Variants in CLYBL observed in about 807,000 individuals in gnomAD.
CLYBL encodes citramalyl-CoA lyase, mitochondrial.
CLYBL carries 31 observed loss-of-function variants against 38.9 expected under a neutral mutation model. The observed-to-expected ratio is 0.80, with a 90% confidence interval of 0.60 to 1.08. CLYBL has a LOEUF of 1.08. Ranked by LOEUF, CLYBL falls within the 50% of genes least tolerant of loss-of-function variation. The pLI is 0.00. For synonymous variants in CLYBL, 171 were observed against 158.6 expected (o/e 1.08, Z -0.59); for missense variants, 434 against 411.6 (o/e 1.05, Z -0.47).
intron 2 of CLYBL, among the ~76,000 whole-genome samples, chr13:99,851,776 C>T (rs759497544): frequency 4.6e-5 from 7 of 152,254 alleles, no homozygotes; most frequent in South Asian, 2.1e-4. Flanking sequence ...TGGAAAACAG[C>T]GGACAGTTTC....
intron 1 of CLYBL, among the ~76,000 whole-genome samples, chr13:99,752,943 C>A (rs541527829): frequency 1.3e-5 from 2 of 152,180 alleles, no homozygotes; most frequent in African/African-American, 4.8e-5. Flanking sequence ...GCCAATAATT[C>A]ATTTCAAAAG....
intron 2 of CLYBL, among the ~76,000 whole-genome samples, chr13:99,806,351 T>C (rs1038738337): frequency 2.0e-5 from 3 of 152,238 alleles, no homozygotes. Flanking sequence ...GTATACTTAA[T>C]TGTTGCCTTA....
intron 1 of CLYBL, among the ~76,000 whole-genome samples, chr13:99,762,424 T>C (rs1239930373): frequency 6.6e-6 from 1 of 152,244 alleles, no homozygotes; most frequent in Non-Finnish European, 1.5e-5. Context: ...GAGACAGTTC[T>C]TTCCTCACTG....
chr13:99,657,140 G>A (rs777865640), intron 1 of CLYBL, among the ~76,000 whole-genome samples: 7 of 152,314 alleles, frequency 4.6e-5, no homozygotes, highest in East Asian at 1.9e-4. Flanking sequence ...ACAGTGCTCC[G>A]AGCCCCACTG....
intron 1 of CLYBL, among the ~76,000 whole-genome samples, chr13:99,664,640 G>A (rs2047454431): frequency 6.6e-6 from 1 of 152,182 alleles, no homozygotes; most frequent in African/African-American, 2.4e-5. Context: ...AACAATAAAT[G>A]CACACATTCA....
intron 1 of CLYBL, among the ~76,000 whole-genome samples, chr13:99,634,863 G>A (rs1293129805): frequency 6.6e-6 from 1 of 152,186 alleles, no homozygotes; most frequent in Non-Finnish European, 1.5e-5. Flanking sequence ...GGCTGTGAAG[G>A]AGGTATCAGA....
chr13:99,695,162 C>T lies in CLYBL; in HGVS notation c.63-77662C>T, dbSNP rs530009194. On this transcript the variant is annotated intron_variant, in intron 1 of 8. Coordinates refer to ENST00000339105, the MANE Select transcript of CLYBL (RefSeq NM_206808.5). ...AGTTCCTGCTACCGTTTCAAAGAAG[C>T]TTCCCAAGAAGCTCTTCAGAGCTGG... 2.0e-3 allele frequency among the ~76,000 whole-genome samples: 303 copies of T among 152,228 alleles called. 1 individual carries two copies. Among genetic ancestry groups the T allele is most frequent in the African/African-American group, 7.1e-3 (293 of 41,534 alleles).
chr13:99,713,334 C>CTTTTTTTTTTTTTTTTTTTTT (rs759844768), intron 1 of CLYBL, among the ~76,000 whole-genome samples: 2 of 101,680 alleles, frequency 2.0e-5, no homozygotes, highest in African/African-American at 3.9e-5. Context: ...TTCTCTATTT[C>CTTTTTTTTTTTTTTTTTTTTT]TTTTTTTTTT....
chr13:99,856,128 G>T (rs1469011975), intron 2 of CLYBL, among the ~76,000 whole-genome samples: 3 of 152,188 alleles, frequency 2.0e-5, no homozygotes, highest in Non-Finnish European at 4.4e-5. Flanking sequence ...CACAAGGGCC[G>T]AATTTTGCTA....
At chr13:99,689,700 GA>G (rs1170286482) in intron 1 of CLYBL, among the ~76,000 whole-genome samples, 2 of 152,192 alleles carry the variant, frequency 1.3e-5, no homozygotes, top group Non-Finnish European at 2.9e-5. Context: ...GACCTGACTT[GA>G]AACCTTTATA....
Position 99,870,949 on chromosome 13 carries a change from A to G in CLYBL, c.814A>G (p.Ile272Val). 1 of 1,609,716 alleles carries G rather than the reference A, an allele frequency of 6.2e-7. No individual in the cohort carries two copies. Among genetic ancestry groups the G allele is most frequent in the Admixed American group, 1.7e-5 (1 of 59,196 alleles). Residue 272 changes from isoleucine to valine, a missense_variant, in exon 7 of 9, where the codon ATT becomes GTT. By Grantham distance (29) the Ile-to-Val change is conservative. Transcript: ENST00000339105. Reference sequence around the variant, plus strand: ...TAATATTCTTGTAGGTAAGCAGGTGATTCACCCTAACCAAATTGCCGTGGT... The same window carrying G: ...TAATATTCTTGTAGGTAAGCAGGTGGTTCACCCTAACCAAATTGCCGTGGT... ...AAMGFTGKQV[I>V]HPNQIAVVQE...
At chr13:99,788,405 A>C (rs1227086729) in intron 2 of CLYBL, among the ~76,000 whole-genome samples, 2 of 152,228 alleles carry the variant, frequency 1.3e-5, no homozygotes, top group Admixed American at 6.5e-5. Flanking sequence ...AGTTTTTAGC[A>C]TGAAGGGCTG....
intron 1 of CLYBL, among the ~76,000 whole-genome samples, chr13:99,683,225 G>A (rs1483439498): frequency 2.0e-5 from 3 of 151,094 alleles, no homozygotes; most frequent in South Asian, 4.2e-4. Context: ...GGGCTTGCAG[G>A]TGCCCCCCCC....
intron 3 of CLYBL, 70 bp from the exon 4 acceptor site, chr13:99,862,921 C>T: frequency 1.3e-6 from 1 of 791,380 alleles, no homozygotes. Flanking sequence ...TTAAATACTA[C>T]TTCTGGGTCT....
intron 7 of CLYBL, among the ~76,000 whole-genome samples, chr13:99,876,799 T>A (rs1047300138): frequency 6.6e-6 from 1 of 152,188 alleles, no homozygotes; most frequent in African/African-American, 2.4e-5. Context: ...TTCAGTTGAA[T>A]ATTACAGTGA....
chr13:99,789,531 G>C (rs753890955), intron 2 of CLYBL, among the ~76,000 whole-genome samples: 6 of 152,178 alleles, frequency 3.9e-5, no homozygotes, highest in Non-Finnish European at 7.3e-5. Flanking sequence ...TTAATCCTGA[G>C]TTCTAGTTTG....
rs371780390 is a variant in CLYBL, at chr13:99,890,606, C to G, written c.928-712C>G. On this transcript the variant is annotated intron_variant, in intron 7 of 8. Transcript: ENST00000339105. ...TCAGCCTCCCGAGTAGCTGGGAGTA[C>G]AGGCGTGCACCACTATGCCCAGCTA... is the stretch of plus-strand genomic sequence containing the variant. 1.4e-4 allele frequency among the ~76,000 whole-genome samples: 22 copies of G among 152,228 alleles called. No individual in the cohort carries two copies. The East Asian group carries it at 3.5e-3, about 24-fold the overall frequency.
At chr13:99,740,137 C>T (rs1210968529) in intron 1 of CLYBL, among the ~76,000 whole-genome samples, 1 of 152,236 alleles carries the variant, frequency 6.6e-6, no homozygotes, top group Non-Finnish European at 1.5e-5. Flanking sequence ...TCAACCATTT[C>T]CAAATGCTTC....
intron 2 of CLYBL, among the ~76,000 whole-genome samples, chr13:99,836,439 C>T (rs2050936344): frequency 1.3e-5 from 2 of 152,086 alleles, no homozygotes; most frequent in Non-Finnish European, 2.9e-5. Flanking sequence ...CCAGAAGCTA[C>T]AGTGCAGTAA....
Sources: allele counts gnomAD v4.1 joint callset (sites outside exome capture counted in the v4.1 genomes callset), GRCh38; gene constraint gnomAD v4.1.1; transcripts MANE v1.5; gene names NCBI Gene and HGNC (gene_info 2026-07-23, HGNC 2026-07-21).